Variants in UBE2E2 observed in about 807,000 individuals in gnomAD.
UBE2E2 encodes the protein ubiquitin-conjugating enzyme E2 E2.
UBE2E2 carries 6 observed loss-of-function variants against 24.7 expected under a neutral mutation model. The observed-to-expected ratio is 0.24, with a 90% CI of 0.13 to 0.48. UBE2E2 has a LOEUF of 0.48. UBE2E2 is among the 20% of genes least tolerant of loss of function. UBE2E2 has a pLI of 0.99. For synonymous variants in UBE2E2, 104 were observed against 83.6 expected (o/e 1.24, Z -1.33); for missense variants, 169 against 245.0 (o/e 0.69, Z 2.07).
intron 4 of UBE2E2, among the ~76,000 whole-genome samples, chr3:23,509,812 G>T (rs1041712556): frequency 6.9e-6 from 1 of 144,518 alleles, no homozygotes; most frequent in Non-Finnish European, 1.5e-5. Flanking sequence ...CCACCTATGA[G>T]TGAGAACATG....
intron 3 of UBE2E2, among the ~76,000 whole-genome samples, chr3:23,478,899 T>A (rs141697774): frequency 0.16 from 23,751 of 148,614 alleles, 1,965 homozygotes; most frequent in Middle Eastern, 0.23. Flanking sequence ...TATATATATT[T>A]TTTTTTTAAT....
intron 3 of UBE2E2, among the ~76,000 whole-genome samples, chr3:23,394,806 AGGTGTTCTACCTTT>A (rs563721719): frequency 9.9e-4 from 151 of 152,316 alleles, no homozygotes; most frequent in Admixed American, 2.8e-3. Flanking sequence ...AGCACTCAGA[AGGTGTTCTACCTTT>A]GAATAGCCAG....
At chr3:23,405,334 C>A (rs1184159176) in intron 3 of UBE2E2, among the ~76,000 whole-genome samples, 2 of 152,138 alleles carry the variant, frequency 1.3e-5, no homozygotes, top group African/African-American at 2.4e-5. Flanking sequence ...TTATGTAAAA[C>A]AACTAACACA....
intron 4 of UBE2E2, among the ~76,000 whole-genome samples, chr3:23,515,662 T>G (rs758441448): frequency 2.0e-5 from 3 of 151,960 alleles, no homozygotes; most frequent in Non-Finnish European, 4.4e-5. Flanking sequence ...AAAAGTGGTA[T>G]AAAAATTTGA....
At chr3:23,297,827 G>A (rs1307470454) in intron 3 of UBE2E2, among the ~76,000 whole-genome samples, 1 of 152,136 alleles carries the variant, frequency 6.6e-6, no homozygotes, top group Non-Finnish European at 1.5e-5. Context: ...TGTGAAAAAA[G>A]TCATTGGTAG....
chr3:23,433,058 G>A (rs955245223), intron 3 of UBE2E2, among the ~76,000 whole-genome samples: 2 of 151,878 alleles, frequency 1.3e-5, no homozygotes, highest in Non-Finnish European at 2.9e-5. Context: ...GTGATAAGAT[G>A]TGAATGGAAG....
chr3:23,561,937 G>C (rs1003191859), intron 5 of UBE2E2, among the ~76,000 whole-genome samples: 14 of 152,294 alleles, frequency 9.2e-5, no homozygotes, highest in South Asian at 2.1e-4. Context: ...AGACTTTGCT[G>C]AAGTTGCTTA....
At chr3:23,568,823 C>G (rs1296319930) in intron 5 of UBE2E2, among the ~76,000 whole-genome samples, 2 of 150,692 alleles carry the variant, frequency 1.3e-5, no homozygotes, top group Non-Finnish European at 2.9e-5. Context: ...TCTTTAAAAT[C>G]TAGTATCCAC....
chr3:23,356,413 A>G (rs1695951298), intron 3 of UBE2E2, among the ~76,000 whole-genome samples: 1 of 152,226 alleles, frequency 6.6e-6, no homozygotes, highest in African/African-American at 2.4e-5. Context: ...GGTAAGTGAA[A>G]GAATCATGTG....
intron 3 of UBE2E2, among the ~76,000 whole-genome samples, chr3:23,446,485 C>T (rs973371239): frequency 6.6e-6 from 1 of 152,096 alleles, no homozygotes; most frequent in Admixed American, 6.5e-5. Flanking sequence ...TGAGTGAGAT[C>T]GTAAGAGTTA....
At chr3:23,437,922 T>C (rs989666013) in intron 3 of UBE2E2, among the ~76,000 whole-genome samples, 7 of 152,150 alleles carry the variant, frequency 4.6e-5, no homozygotes, top group African/African-American at 1.7e-4. Flanking sequence ...TTAAACACCC[T>C]CAGTGTGGGC....
chr3:23,389,598 A>G, intron 3 of UBE2E2: 1 of 258,304 alleles, frequency 3.9e-6, no homozygotes, highest in Non-Finnish European at 8.0e-6. Context: ...CTCATCTTCA[A>G]GTTCCTTCAT....
At chr3:23,587,393 G>A (rs1016776640) in intron 5 of UBE2E2, among the ~76,000 whole-genome samples, 2 of 152,142 alleles carry the variant, frequency 1.3e-5, no homozygotes, top group African/African-American at 4.8e-5. Flanking sequence ...CTCTGGATGT[G>A]GGTACAGTTT....
At position 23,203,441 on chromosome 3, in the gene UBE2E2, C is replaced by T. The variant is rs1444168018; in HGVS notation, c.-32C>T. 4 of 948,410 alleles carry T rather than the reference C, an allele frequency of 4.2e-6. No homozygotes were observed. Among genetic ancestry groups the T allele is most frequent in the East Asian group, 1.4e-4 (1 of 7,292 alleles). The allele number at this position is 948,410 out of a possible 1,614,324, so 58.7% of individuals were successfully genotyped here. On this transcript the variant is annotated 5_prime_UTR_variant, in exon 1 of 6. Coordinates refer to ENST00000396703, the MANE Select transcript of UBE2E2 (RefSeq NM_152653.4). The stretch of plus-strand genomic sequence containing the variant: ...CCAGGGCTTCGGCTCGAGCCTGCGA[C>T]CTGCACGGACACCCCCCCCTCAGGT...
At chr3:23,508,365 A>C (rs1176687725) in intron 4 of UBE2E2, among the ~76,000 whole-genome samples, 1 of 152,234 alleles carries the variant, frequency 6.6e-6, no homozygotes, top group Non-Finnish European at 1.5e-5. Context: ...AGCCAAATTA[A>C]ATATGCCTAT....
intron 1 of UBE2E2, 90 bp downstream of exon 1, chr3:23,203,554 G>T: frequency 1.2e-6 from 1 of 806,114 alleles, no homozygotes; most frequent in Non-Finnish European, 1.5e-6. Flanking sequence ...TCCCCTCCGC[G>T]TCGCAGGTCT....
At chr3:23,312,172 T>TC (rs199788188) in intron 3 of UBE2E2, among the ~76,000 whole-genome samples, 4 of 151,940 alleles carry the variant, frequency 2.6e-5, no homozygotes, top group African/African-American at 4.8e-5. Context: ...TCCTGAGGCC[T>TC]CCCCCCAAAA....
chr3:23,471,452 T>C (rs147578604), intron 3 of UBE2E2, among the ~76,000 whole-genome samples: 1 of 151,982 alleles, frequency 6.6e-6, no homozygotes, highest in Non-Finnish European at 1.5e-5. Flanking sequence ...AGGAAGCAAA[T>C]GTAAGGAAAC....
intron 3 of UBE2E2, among the ~76,000 whole-genome samples, chr3:23,380,222 A>G (rs1280140569): frequency 6.6e-6 from 1 of 152,132 alleles, no homozygotes. Context: ...TTATTAAAAA[A>G]AAAATTATTT....
Sources: gnomAD v4.1 joint callset for allele counts (sites outside exome capture counted in the v4.1 genomes callset) on GRCh38, gnomAD v4.1.1 for gene constraint, MANE v1.5 for transcripts, NCBI Gene and HGNC (gene_info 2026-07-23, HGNC 2026-07-21) for gene names.